The following WNK2 variants were observed in gnomAD, a reference collection of about 807,000 sequenced individuals.
WNK2 encodes the protein WNK lysine deficient protein kinase 2.
WNK2 carries 67 observed loss-of-function variants against 192.1 expected under a neutral mutation model. That is an observed-to-expected ratio of 0.35 (90% CI 0.29 to 0.43). WNK2 has a LOEUF of 0.43. Among genes scored for constraint, WNK2 ranks in the 20% least tolerant of loss-of-function variants. The pLI is 1.00. For synonymous variants in WNK2, 1,439 were observed against 1,393.9 expected (o/e 1.03, Z -0.72); for missense variants, 2,698 against 3,089.7 (o/e 0.87, Z 3.01).
chr9:93,239,794 G>A lies in WNK2; in HGVS notation c.1360G>A (p.Ala454Thr), dbSNP rs752108585. The part of the protein sequence containing the change: ...IKDLLSHAFF[A>T]EDTGVRVELA... ...AGACCTGCTGAGCCACGCCTTCTTCGCAGAGGACACAGGCGTGAGGGTGGA... is the reference window on the plus strand; with the variant it reads ...AGACCTGCTGAGCCACGCCTTCTTCACAGAGGACACAGGCGTGAGGGTGGA... The change falls in exon 7 of 30, where the codon GCA (alanine) becomes ACA (threonine). Residue 454 changes from alanine (A) to threonine (T), a missense_variant. This residue lies in a region of WNK2 where 230 missense variants were observed against 501.1 expected (regional missense o/e 0.46). Coordinates refer to ENST00000427277, the MANE Select transcript of WNK2 (RefSeq NM_006648.4). This position sits in a 1 kb window ranked among gnomAD's most constrained non-coding sequence, Gnocchi z 4.2. The A allele has an allele frequency of 7.6e-6, 12 of 1,571,228 alleles. No individual in the cohort carries two copies. Among genetic ancestry groups the A allele is most frequent in the South Asian group, 3.5e-5 (3 of 85,394 alleles).
intron 19 of WNK2, among the ~76,000 whole-genome samples, chr9:93,288,455 TGACA>T (rs1394878986): frequency 1.3e-5 from 2 of 152,224 alleles, no homozygotes; most frequent in Non-Finnish European, 1.5e-5. Flanking sequence ...GACAGACAGA[TGACA>T]GACAGGCAAC....
At chr9:93,284,239 G>T (rs1460924144) in intron 19 of WNK2, among the ~76,000 whole-genome samples, 2 of 152,168 alleles carry the variant, frequency 1.3e-5, no homozygotes, top group Non-Finnish European at 2.9e-5. Context: ...ATCTGACTGA[G>T]AACATTATAA....
chr9:93,300,680 G>C (rs1396161329), intron 26 of WNK2, among the ~76,000 whole-genome samples: 2 of 152,170 alleles, frequency 1.3e-5, no homozygotes, highest in Non-Finnish European at 2.9e-5. Flanking sequence ...GGTCACTGGA[G>C]GGCGTGGTTT....
intron 2 of WNK2, among the ~76,000 whole-genome samples, chr9:93,225,477 C>G (rs1837652790): frequency 6.6e-6 from 1 of 152,162 alleles, no homozygotes; most frequent in South Asian, 2.1e-4. Context: ...AGATCCTCTT[C>G]CCTTCCAAGC....
chr9:93,195,022 T>TAA (rs78816049), intron 2 of WNK2, among the ~76,000 whole-genome samples: 61 of 140,042 alleles, frequency 4.4e-4, no homozygotes, highest in African/African-American at 1.3e-3. Context: ...TGAAGACAGT[T>TAA]AAAAAAAAAA....
intron 19 of WNK2, among the ~76,000 whole-genome samples, chr9:93,280,013 A>G (rs1847485610): frequency 1.3e-5 from 2 of 152,330 alleles, no homozygotes; most frequent in African/African-American, 2.4e-5. Context: ...TCTAAGATAC[A>G]ACATCAAAGC....
intron 9 of WNK2, among the ~76,000 whole-genome samples, chr9:93,254,429 G>C (rs975353078): frequency 2.6e-5 from 4 of 152,156 alleles, no homozygotes; most frequent in Admixed American, 1.3e-4. Flanking sequence ...TGGGCACATG[G>C]GCTGTTCTGG....
At chr9:93,208,111 A>G (rs77600749) in intron 2 of WNK2, among the ~76,000 whole-genome samples, 6,431 of 152,176 alleles carry the variant, frequency 0.042, 423 homozygotes, top group African/African-American at 0.14. Flanking sequence ...GAACACACAA[A>G]CATCTCAGTT....
intron 21 of WNK2, among the ~76,000 whole-genome samples, chr9:93,290,396 CA>C (rs1849159329): frequency 1.3e-5 from 2 of 151,826 alleles, no homozygotes; most frequent in African/African-American, 4.8e-5. Flanking sequence ...ATGTGTGACC[CA>C]AGACAATTCT....
Position 93,239,680 on chromosome 9 carries a change from G to T in WNK2, c.1323-77G>T. ...CTGCAGGTGTGCCTGTCCTTGTCCT[G>T]GTGCGCATGGACACAGGAGCCTGGG... is the stretch of plus-strand genomic sequence containing the variant. On this transcript the variant is annotated intron_variant, in intron 6 of 29. Transcript: ENST00000427277. The surrounding 1 kb of genome is among the most constrained non-coding windows in gnomAD (Gnocchi z 4.2). 1.5e-6 allele frequency: 2 copies of T among 1,328,496 alleles called. No individual in the cohort carries two copies. Among genetic ancestry groups the T allele is most frequent in the Non-Finnish European group, 2.1e-6 (2 of 962,624 alleles). 82.3% of individuals were successfully genotyped at this position (1,328,496 alleles called of 1,614,324 possible). A position where few individuals can be genotyped will look rare whatever the true frequency, so the allele number is the denominator to read the frequency against.
intron 19 of WNK2, among the ~76,000 whole-genome samples, chr9:93,274,515 CAAAAAAA>C (rs67350876): frequency 8.4e-6 from 1 of 118,410 alleles, no homozygotes; most frequent in African/African-American, 3.4e-5. Flanking sequence ...CCGTCTCAAC[CAAAAAAA>C]AAAAAAAAAA....
Position 93,247,948 on chromosome 9 carries a change from G to A in WNK2, c.1834+114G>A. ...TCCCTTTATTGGAATGCTTTGTGAG[G>A]AAGGGGGTCCGCATGGCATCCCCTC... On this transcript the variant is annotated intron_variant, in intron 8 of 29. Transcript: ENST00000427277. The surrounding 1 kb of genome is among the most constrained non-coding windows in gnomAD (Gnocchi z 5.2). 1 of 1,241,298 alleles carries A rather than the reference G, an allele frequency of 8.1e-7. No homozygotes were observed. The highest frequency in any genetic ancestry group is 1.5e-5 in the South Asian group (1 of 67,090). The allele number at this position is 1,241,298 out of a possible 1,614,324, so 76.9% of individuals were successfully genotyped here. A position where few individuals can be genotyped will look rare whatever the true frequency, so the allele number is the denominator to read the frequency against.
chr9:93,245,158 T>C (rs2132430412), intron 7 of WNK2, among the ~76,000 whole-genome samples: 1 of 152,180 alleles, frequency 6.6e-6, no homozygotes, highest in Admixed American at 6.6e-5. Flanking sequence ...TACTGAAAAA[T>C]TGCAAGGACA....
intron 5 of WNK2, among the ~76,000 whole-genome samples, chr9:93,235,186 G>A (rs1378725891): frequency 2.6e-5 from 4 of 152,200 alleles, no homozygotes. Flanking sequence ...CTGAAGGGAT[G>A]GTGGTGCATG....
intron 2 of WNK2, among the ~76,000 whole-genome samples, chr9:93,228,644 C>T (rs908956266): frequency 3.9e-5 from 6 of 152,174 alleles, no homozygotes; most frequent in African/African-American, 9.7e-5. Flanking sequence ...GGGCGTGGCA[C>T]GTGTGCAGCA....
intron 20 of WNK2, among the ~76,000 whole-genome samples, 174 bp from the exon 21 acceptor site, chr9:93,289,802 CCT>C (rs988185144): frequency 1.3e-5 from 2 of 152,248 alleles, no homozygotes; most frequent in African/African-American, 2.4e-5. Flanking sequence ...ACAAGTGACC[CCT>C]GTTTGGGGTC....
At chr9:93,250,623 CTTG>C (rs954251221) in intron 8 of WNK2, among the ~76,000 whole-genome samples, 151 of 152,284 alleles carry the variant, frequency 9.9e-4, no homozygotes, top group African/African-American at 3.5e-3. Context: ...ATGGTTTTCC[CTTG>C]TTGTGTTTTC....
chr9:93,281,461 A>T (rs955295096), intron 19 of WNK2, among the ~76,000 whole-genome samples: 3 of 152,220 alleles, frequency 2.0e-5, no homozygotes, highest in Non-Finnish European at 4.4e-5. Context: ...ACTGCCAGAG[A>T]GAGAATCGGC....
At chr9:93,291,645 C>G (rs1244598218) in intron 21 of WNK2, among the ~76,000 whole-genome samples, 1 of 152,162 alleles carries the variant, frequency 6.6e-6, no homozygotes, top group East Asian at 1.9e-4. Flanking sequence ...CATGTGCGGG[C>G]GGCCCCAACC....
Sources: gnomAD v4.1 joint callset for allele counts (sites outside exome capture counted in the v4.1 genomes callset) on GRCh38, gnomAD v4.1.1 for gene constraint, gnomAD v4.1.1 regional missense constraint, Gnocchi (gnomAD v3.1) non-coding constraint, MANE v1.5 for transcripts, NCBI Gene and HGNC (gene_info 2026-07-23, HGNC 2026-07-21) for gene names.